The following C11orf65 variants were observed in gnomAD, a reference collection of about 807,000 sequenced individuals.
The protein encoded by C11orf65 is chromosome 11 open reading frame 65.
Under a neutral mutation model 35.3 loss-of-function variants are expected in C11orf65, and 38 were observed. The ratio of observed to expected loss-of-function variants is 1.08; its 90% CI spans 0.83 to 1.41. C11orf65 has a LOEUF of 1.41. Among genes scored for constraint, C11orf65 ranks in the 40% most tolerant of loss-of-function variants. The pLI is 0.00. For synonymous variants in C11orf65, 105 were observed against 114.4 expected (o/e 0.92, Z 0.53); for missense variants, 370 against 367.1 (o/e 1.01, Z -0.06).
chr11:108,402,320 G>A (rs1056168609), intron 6 of C11orf65, among the ~76,000 whole-genome samples: 8 of 152,178 alleles, frequency 5.3e-5, no homozygotes, highest in African/African-American at 1.4e-4. Context: ...TTAGCCTTGT[G>A]TATGTTTGCC....
At chr11:108,320,794 T>C (rs1173039956) in intron 6 of C11orf65, among the ~76,000 whole-genome samples, 2 of 152,208 alleles carry the variant, frequency 1.3e-5, no homozygotes, top group Non-Finnish European at 2.9e-5. Flanking sequence ...AGTATTACTT[T>C]GACTCCTCAA....
intron 6 of C11orf65, among the ~76,000 whole-genome samples, chr11:108,394,969 A>C (rs1329557173): frequency 1.3e-5 from 2 of 151,954 alleles, no homozygotes; most frequent in Non-Finnish European, 2.9e-5. Context: ...CATCTCTACA[A>C]ACAATAAAAA....
chr11:108,461,324 TG>T (rs1247313905), intron 2 of C11orf65, among the ~76,000 whole-genome samples, 154 bp downstream of exon 2: 1 of 151,936 alleles, frequency 6.6e-6, no homozygotes, highest in Non-Finnish European at 1.5e-5. Flanking sequence ...TGCTCAAACC[TG>T]GGAGGCAGAG....
intron 3 of C11orf65, among the ~76,000 whole-genome samples, chr11:108,423,984 A>G (rs1213692384): frequency 6.6e-6 from 1 of 152,184 alleles, no homozygotes; most frequent in African/African-American, 2.4e-5. Flanking sequence ...AATTCCAAAA[A>G]CCAGAATACC....
chr11:108,446,600 C>T (rs994071933), intron 2 of C11orf65, among the ~76,000 whole-genome samples: 2 of 152,162 alleles, frequency 1.3e-5, no homozygotes, highest in Admixed American at 6.5e-5. Context: ...TTTGTCACCA[C>T]CAGGCCTGCC....
In C11orf65 at chr11:108,365,503, G is replaced by C. The variant is rs371767164; in HGVS notation, c.226+27705C>G. On this transcript the variant is annotated intron_variant, in intron 2 of 3. Transcript: ENST00000524755. ...ACTTTTCCCAGGATGGAAAGCTTGG[G>C]TGTGATCTTCAGTATATGAATTACC... 1 of 1,614,072 alleles carries C rather than the reference G, an allele frequency of 6.2e-7. No individual in the cohort carries two copies. Among genetic ancestry groups the C allele is most frequent in the Non-Finnish European group, 8.5e-7 (1 of 1,179,982 alleles).
At chr11:108,435,112 T>C (rs2093043352) in intron 2 of C11orf65, among the ~76,000 whole-genome samples, 1 of 152,222 alleles carries the variant, frequency 6.6e-6, no homozygotes, top group South Asian at 2.1e-4. Context: ...AATTAAGTGG[T>C]AGAAATGGAA....
chr11:108,401,648 C>T (rs1373709553), intron 6 of C11orf65, among the ~76,000 whole-genome samples: 1 of 152,304 alleles, frequency 6.6e-6, no homozygotes, highest in South Asian at 2.1e-4. Context: ...TCTCCCCCAA[C>T]CCCATGAAAT....
chr11:108,368,568 T>C (rs1429783357), intron 2 of C11orf65: 2 of 217,758 alleles, frequency 9.2e-6, no homozygotes, highest in African/African-American at 4.5e-5. Flanking sequence ...ACAAGTGTAA[T>C]ATGGACAGTA....
intron 7 of C11orf65, 103 bp from the exon 8 acceptor site, chr11:108,386,078 G>GCTAGTGAA: frequency 4.3e-6 from 4 of 920,898 alleles, no homozygotes; most frequent in Non-Finnish European, 6.9e-6. Flanking sequence ...ATTAATGATG[G>GCTAGTGAA]CATGTTCACT....
chr11:108,311,141 T>A (rs1004300148), intron 6 of C11orf65, among the ~76,000 whole-genome samples: 47 of 151,712 alleles, frequency 3.1e-4, no homozygotes, highest in South Asian at 1.0e-3. Flanking sequence ...TCATTTTTTT[T>A]AATTTTTATT....
At chr11:108,324,024 T>A (rs745422209) in intron 6 of C11orf65, among the ~76,000 whole-genome samples, 58 of 149,390 alleles carry the variant, frequency 3.9e-4, no homozygotes, top group Middle Eastern at 3.2e-3. Context: ...TTTCCATCTA[T>A]GGATTCAACC....
chr11:108,384,740 C>T (rs1331637195), intron 8 of C11orf65, among the ~76,000 whole-genome samples: 1 of 152,082 alleles, frequency 6.6e-6, no homozygotes, highest in Non-Finnish European at 1.5e-5. Flanking sequence ...GGCCACTGCA[C>T]TCCAGCCTGG....
At chr11:108,382,255 T>A (rs932955317), downstream of C11orf65, among the ~76,000 whole-genome samples, 4 of 152,200 alleles carry the variant, frequency 2.6e-5, no homozygotes, top group Admixed American at 1.3e-4. Context: ...TAATTTATTA[T>A]GCAGTGATAG....
intron 6 of C11orf65, chr11:108,315,800 T>G: frequency 6.3e-7 from 1 of 1,584,748 alleles, no homozygotes; most frequent in Non-Finnish European, 8.7e-7. Context: ...CTTCTTCAAT[T>G]TTTGTTGTTT....
chr11:108,430,444 T>A lies in C11orf65; in HGVS notation c.174+1302A>T, dbSNP rs187904087. ...GTGAGCCACTGCGCCCAGCCTGAAC[T>A]GTATTCTTAAAAATCGTTAAGATAG... On this transcript the variant is annotated intron_variant, in intron 3 of 8. Coordinates refer to ENST00000393084, the MANE Select transcript of C11orf65 (RefSeq NM_152587.5). Among the ~76,000 whole-genome samples the A allele has an allele frequency of 7.1e-4, 108 of 151,496 alleles. 1 individual carries two copies. Among genetic ancestry groups the A allele is most frequent in the African/African-American group, 2.5e-3 (102 of 41,362 alleles).
chr11:108,332,164 A>C, intron 3 of C11orf65: 6 of 1,230,230 alleles, frequency 4.9e-6, no homozygotes, highest in Non-Finnish European at 6.8e-6. Flanking sequence ...ACGGTGGCTC[A>C]CGCCTGTAAT....
intron 2 of C11orf65, chr11:108,354,914 C>A (rs1191829305): frequency 1.3e-6 from 2 of 1,524,628 alleles, no homozygotes; most frequent in Admixed American, 3.3e-5. Context: ...TTTTTTCTTA[C>A]CAGGTAGACT....
intron 2 of C11orf65, among the ~76,000 whole-genome samples, chr11:108,356,350 A>T (rs911291586): frequency 2.6e-5 from 4 of 152,154 alleles, no homozygotes; most frequent in African/African-American, 9.7e-5. Flanking sequence ...AGTTTGGCCA[A>T]CATGGTGAAA....
Sources: gnomAD v4.1 joint callset for allele counts (sites outside exome capture counted in the v4.1 genomes callset) on GRCh38, gnomAD v4.1.1 for gene constraint, MANE v1.5 for transcripts, NCBI Gene and HGNC (gene_info 2026-07-23, HGNC 2026-07-21) for gene names.